The following FARP1 variants were observed in gnomAD, a reference collection of about 807,000 sequenced individuals.
FARP1 encodes FERM, ARH/RhoGEF and pleckstrin domain protein 1, also known as FERM, ARHGEF and pleckstrin domain-containing protein 1.
FARP1 carries 52 observed loss-of-function variants against 128.8 expected under a neutral mutation model. The ratio of observed to expected loss-of-function variants is 0.40; its 90% CI spans 0.32 to 0.51. The LOEUF (loss-of-function observed/expected upper bound fraction) is 0.51. Among genes scored for constraint, FARP1 ranks in the 20% least tolerant of loss-of-function variants. FARP1 has a pLI of 0.45. For missense variants in FARP1, 1,333 were observed against 1,367.9 expected, an observed-to-expected ratio of 0.97 and a Z score of 0.40; for synonymous variants, 580 against 551.8, an observed-to-expected ratio of 1.05 and a Z score of -0.72.
chr13:98,207,909 CACACACACACACA>C (rs1880379993), intron 1 of FARP1, among the ~76,000 whole-genome samples: 1 of 9,278 alleles, frequency 1.1e-4, no homozygotes, highest in African/African-American at 3.0e-4. Context: ...CCACCACCTC[CACACACACACACA>C]CACACACACA....
chr13:98,219,272 C>G (rs1881275824), intron 2 of FARP1, among the ~76,000 whole-genome samples: 1 of 152,150 alleles, frequency 6.6e-6, no homozygotes, highest in Non-Finnish European at 1.5e-5. Context: ...ACATCAGGAG[C>G]TGGGCTTGTG....
intron 19 of FARP1, among the ~76,000 whole-genome samples, chr13:98,436,936 T>C (rs1892293091): frequency 6.6e-6 from 1 of 152,214 alleles, no homozygotes; most frequent in African/African-American, 2.4e-5. Context: ...GGAAATGTTT[T>C]CCACTGCAAT....
chr13:98,309,677 T>C (rs1018687875), intron 2 of FARP1, among the ~76,000 whole-genome samples: 9 of 152,126 alleles, frequency 5.9e-5, no homozygotes, highest in African/African-American at 2.2e-4. Flanking sequence ...GGAGTTGCCA[T>C]ATTTGGCAGA....
At chr13:98,351,339 G>A (rs542863637) in intron 3 of FARP1, among the ~76,000 whole-genome samples, 21 of 152,188 alleles carry the variant, frequency 1.4e-4, no homozygotes, top group African/African-American at 4.8e-4. Flanking sequence ...TTGGCCGGGC[G>A]CGGTGGCTCA....
chr13:98,174,448 C>T (rs1486355437), intron 1 of FARP1, among the ~76,000 whole-genome samples: 1 of 152,108 alleles, frequency 6.6e-6, no homozygotes, highest in Admixed American at 6.5e-5. Flanking sequence ...TTCGGAGTGC[C>T]TGAAAGTTTC....
chr13:98,278,172 A>AGTGTGTGTGTGTGTGT (rs58097403), intron 2 of FARP1, among the ~76,000 whole-genome samples: 14 of 149,856 alleles, frequency 9.3e-5, no homozygotes, highest in African/African-American at 3.4e-4. Flanking sequence ...TGAGTGAGTG[A>AGTGTGTGTGTGTGTGT]GTGTGTGTGT....
At chr13:98,144,478 G>A (rs1446365785) in intron 1 of FARP1, among the ~76,000 whole-genome samples, 1 of 152,144 alleles carries the variant, frequency 6.6e-6, no homozygotes, top group East Asian at 1.9e-4. Context: ...GGTGGCCTCT[G>A]GCCGTTTCAT....
chr13:98,449,384 G>C lies in FARP1; in HGVS notation c.*1067G>C, dbSNP rs1456010314. 1 of 152,142 alleles carries C rather than the reference G, an allele frequency of 6.6e-6. No individual in the cohort carries two copies. Among genetic ancestry groups the C allele is most frequent in the Non-Finnish European group, 1.5e-5 (1 of 68,048 alleles). 9.4% of individuals were successfully genotyped at this position (152,142 alleles called of 1,614,324 possible). On this transcript the variant is annotated 3_prime_UTR_variant, in exon 27 of 27. Coordinates refer to ENST00000319562, the MANE Select transcript of FARP1 (RefSeq NM_005766.4). ...GGGTAGTGTCAGTCGGACTGCACAG[G>C]GAACACGGTTTCCAGTGGCTTTGGC...
chr13:98,420,419 T>A (rs1001138465), intron 16 of FARP1, among the ~76,000 whole-genome samples: 1 of 152,202 alleles, frequency 6.6e-6, no homozygotes, highest in African/African-American at 2.4e-5. Flanking sequence ...TGTCCTTTAC[T>A]TCTTCCCTGT....
At chr13:98,171,919 T>A (rs574900956) in intron 1 of FARP1, among the ~76,000 whole-genome samples, 7 of 152,304 alleles carry the variant, frequency 4.6e-5, no homozygotes, top group Non-Finnish European at 1.0e-4. Context: ...CTCATTTTCT[T>A]CCCTATCACA....
At chr13:98,305,136 T>C (rs1418102596) in intron 2 of FARP1, among the ~76,000 whole-genome samples, 2 of 150,874 alleles carry the variant, frequency 1.3e-5, no homozygotes, top group African/African-American at 2.4e-5. Flanking sequence ...ATTTATTTAT[T>C]TTTTATTTTT....
chr13:98,373,984 T>C (rs623282), intron 5 of FARP1, among the ~76,000 whole-genome samples: 2,974 of 152,270 alleles, frequency 0.02, 103 homozygotes, highest in African/African-American at 0.066. Flanking sequence ...AGTAGAAACA[T>C]TGCATTCCCA....
At chr13:98,407,785 G>A (rs1490709691) in intron 13 of FARP1, among the ~76,000 whole-genome samples, 1 of 152,144 alleles carries the variant, frequency 6.6e-6, no homozygotes, top group East Asian at 1.9e-4. Flanking sequence ...GCTGCTGACT[G>A]CTCAACCTGG....
intron 2 of FARP1, among the ~76,000 whole-genome samples, chr13:98,276,838 ACC>A (rs1884675342): frequency 6.6e-6 from 1 of 152,184 alleles, no homozygotes; most frequent in African/African-American, 2.4e-5. Flanking sequence ...CACCCCTGCC[ACC>A]CACACTGGGT....
intron 24 of FARP1, among the ~76,000 whole-genome samples, chr13:98,441,512 C>T (rs987869755): frequency 2.0e-5 from 3 of 152,196 alleles, no homozygotes; most frequent in African/African-American, 7.2e-5. Context: ...CGAAAGGAGC[C>T]CCGCAGGGCC....
chr13:98,378,599 C>T (rs537797685), intron 6 of FARP1, among the ~76,000 whole-genome samples: 2 of 152,062 alleles, frequency 1.3e-5, no homozygotes, highest in East Asian at 3.9e-4. Context: ...GCTATCATAT[C>T]ACCTTTTACA....
Position 98,451,010 on chromosome 13 carries a change from G to C in FARP1, c.*2693G>C, listed in dbSNP as rs1181861000. The C allele has an allele frequency of 6.6e-6, 1 of 152,212 alleles. No individual in the cohort carries two copies. Among genetic ancestry groups the C allele is most frequent in the Admixed American group, 6.5e-5 (1 of 15,288 alleles). 9.4% of individuals were successfully genotyped at this position (152,212 alleles called of 1,614,324 possible). A position where few individuals can be genotyped will look rare whatever the true frequency, so the allele number is the denominator to read the frequency against. ...TTGTTGCTCTACGGGGGAAGGGGCT[G>C]AGTATGATTTGTCTGGCGACTGCAG... On this transcript the variant is annotated 3_prime_UTR_variant, in exon 27 of 27. Coordinates refer to ENST00000319562, the MANE Select transcript of FARP1 (RefSeq NM_005766.4).
intron 2 of FARP1, among the ~76,000 whole-genome samples, chr13:98,295,088 CACACACACACACACACATAT>C (rs1343326752): frequency 0.097 from 8,181 of 84,422 alleles, 440 homozygotes; most frequent in African/African-American, 0.12. Context: ...CACACACACA[CACACACACACACACACATAT>C]ATCCCCAGGC....
At chr13:98,199,538 T>C (rs1165081907) in intron 1 of FARP1, among the ~76,000 whole-genome samples, 2 of 152,122 alleles carry the variant, frequency 1.3e-5, no homozygotes, top group Admixed American at 1.3e-4. Context: ...GAACATTGGG[T>C]TTGTTATTTT....
Sources: allele counts gnomAD v4.1 joint callset (sites outside exome capture counted in the v4.1 genomes callset), GRCh38; gene constraint gnomAD v4.1.1; transcripts MANE v1.5; gene names NCBI Gene and HGNC (gene_info 2026-07-23, HGNC 2026-07-21).